Variants in SPIDR observed in about 807,000 individuals in gnomAD.
SPIDR encodes the protein DNA repair-scaffolding protein.
Under a neutral mutation model 104.6 loss-of-function variants are expected in SPIDR, and 93 were observed. The ratio of observed to expected loss-of-function variants is 0.89; its 90% CI spans 0.75 to 1.06. The LOEUF (loss-of-function observed/expected upper bound fraction) is 1.06, where lower values mean the gene tolerates loss of function less well. SPIDR is among the 50% of genes least tolerant of loss of function. The pLI is 0.00. For synonymous variants in SPIDR, 431 were observed against 416.9 expected (o/e 1.03, Z -0.41); for missense variants, 1,154 against 1,111.2 (o/e 1.04, Z -0.55).
intron 5 of SPIDR, among the ~76,000 whole-genome samples, chr8:47,374,665 GT>G (rs1447934302): frequency 1.3e-5 from 2 of 152,100 alleles, no homozygotes; most frequent in Non-Finnish European, 2.9e-5. Flanking sequence ...TTTTAGCTAA[GT>G]TTTAATCTTC....
chr8:47,362,445 T>G (rs1172603792), intron 5 of SPIDR, among the ~76,000 whole-genome samples: 1 of 152,176 alleles, frequency 6.6e-6, no homozygotes, highest in Non-Finnish European at 1.5e-5. Context: ...CAGTGTCATC[T>G]CCAGCATTTC....
intron 5 of SPIDR, among the ~76,000 whole-genome samples, chr8:47,334,479 T>C (rs2049329232): frequency 6.6e-6 from 1 of 152,214 alleles, no homozygotes; most frequent in Non-Finnish European, 1.5e-5. Context: ...TTGTGTCTTC[T>C]TGGACAATTG....
intron 5 of SPIDR, among the ~76,000 whole-genome samples, chr8:47,350,988 CCT>C (rs1429762788): frequency 6.6e-6 from 1 of 152,142 alleles, no homozygotes; most frequent in Non-Finnish European, 1.5e-5. Flanking sequence ...ACATGAATCC[CCT>C]GTTTTGTCCC....
At chr8:47,519,026 C>G (rs943430929) in intron 8 of SPIDR, among the ~76,000 whole-genome samples, 1 of 152,102 alleles carries the variant, frequency 6.6e-6, no homozygotes, top group Non-Finnish European at 1.5e-5. Context: ...CTCTAAGATT[C>G]CTGTAAAGAA....
intron 8 of SPIDR, among the ~76,000 whole-genome samples, chr8:47,590,990 G>A (rs1256928238): frequency 6.6e-6 from 1 of 151,932 alleles, no homozygotes; most frequent in African/African-American, 2.4e-5. Flanking sequence ...ATGTTTACAT[G>A]ATGTATCTTT....
chr8:47,553,061 C>G (rs562413377), intron 8 of SPIDR, among the ~76,000 whole-genome samples: 1 of 152,286 alleles, frequency 6.6e-6, no homozygotes, highest in African/African-American at 2.4e-5. Context: ...GTTGAAAATT[C>G]TTTTCTTTAA....
At chr8:47,680,682 C>A (rs1224516123) in intron 11 of SPIDR, among the ~76,000 whole-genome samples, 1 of 152,228 alleles carries the variant, frequency 6.6e-6, no homozygotes, top group Non-Finnish European at 1.5e-5. Context: ...TCCAGAATCT[C>A]TTTCTTAATT....
intron 8 of SPIDR, among the ~76,000 whole-genome samples, chr8:47,569,955 T>A (rs764831772): frequency 2.0e-5 from 3 of 152,112 alleles, no homozygotes; most frequent in Non-Finnish European, 4.4e-5. Flanking sequence ...CTCTGAAAAC[T>A]ACAAAACAAT....
At chr8:47,728,867 C>T in intron 17 of SPIDR, 66 bp from the exon 18 acceptor site, 1 of 1,529,860 alleles carries the variant, frequency 6.5e-7, no homozygotes, top group Non-Finnish European at 8.8e-7. Context: ...GAAAATGTCT[C>T]CCACTGGAGC....
At chr8:47,345,564 T>C (rs1282720356) in intron 5 of SPIDR, among the ~76,000 whole-genome samples, 7 of 152,220 alleles carry the variant, frequency 4.6e-5, no homozygotes, top group Non-Finnish European at 1.0e-4. Flanking sequence ...ATTATGGCCA[T>C]TTTTACGATA....
intron 7 of SPIDR, among the ~76,000 whole-genome samples, chr8:47,418,942 C>G (rs1291099075): frequency 6.6e-6 from 1 of 152,192 alleles, no homozygotes; most frequent in Admixed American, 6.5e-5. Context: ...ATATGTTGAA[C>G]CAGCCTTGCA....
At chr8:47,499,887 G>A (rs537705514) in intron 8 of SPIDR, among the ~76,000 whole-genome samples, 1 of 151,964 alleles carries the variant, frequency 6.6e-6, no homozygotes, top group South Asian at 2.1e-4. Context: ...GTGAGAACAT[G>A]CAGTGTTTGG....
intron 8 of SPIDR, among the ~76,000 whole-genome samples, chr8:47,457,700 T>G (rs1053246153): frequency 1.6e-4 from 24 of 152,190 alleles, no homozygotes; most frequent in African/African-American, 5.6e-4. Context: ...CGATGTTATC[T>G]TCTGGAAATT....
intron 8 of SPIDR, among the ~76,000 whole-genome samples, chr8:47,481,402 C>T (rs553199476): frequency 6.6e-6 from 1 of 152,166 alleles, no homozygotes; most frequent in African/African-American, 2.4e-5. Flanking sequence ...ATTGGGAGGC[C>T]GAGGTGGGCA....
chr8:47,588,660 A>G (rs973869643), intron 8 of SPIDR, among the ~76,000 whole-genome samples: 2 of 152,230 alleles, frequency 1.3e-5, no homozygotes, highest in African/African-American at 4.8e-5. Context: ...CTTAGGTGGC[A>G]AGCATCTACT....
chr8:47,488,620 G>A (rs999735392), intron 8 of SPIDR, among the ~76,000 whole-genome samples: 21 of 152,130 alleles, frequency 1.4e-4, no homozygotes, highest in African/African-American at 4.8e-4. Context: ...CTGGCAAACC[G>A]AATGCAGCAG....
At chr8:47,276,668 A>G (rs1586194412) in intron 1 of SPIDR, among the ~76,000 whole-genome samples, 1 of 152,250 alleles carries the variant, frequency 6.6e-6, no homozygotes, top group Non-Finnish European at 1.5e-5. Context: ...ATTCAAATGG[A>G]TAACTCTATA....
chr8:47,444,043 A>G (rs1262933662), intron 8 of SPIDR, among the ~76,000 whole-genome samples: 1 of 152,230 alleles, frequency 6.6e-6, no homozygotes, highest in Non-Finnish European at 1.5e-5. Flanking sequence ...AAAATGCATT[A>G]ATCTATATAA....
intron 2 of SPIDR, among the ~76,000 whole-genome samples, chr8:47,280,745 C>T (rs374453017): frequency 5.3e-5 from 8 of 152,230 alleles, no homozygotes; most frequent in African/African-American, 1.9e-4. Flanking sequence ...GCTGTGTTGC[C>T]TAGGCTGGTC....
Sources: allele counts gnomAD v4.1 joint callset (sites outside exome capture counted in the v4.1 genomes callset), GRCh38; gene constraint gnomAD v4.1.1; transcripts MANE v1.5; gene names NCBI Gene and HGNC (gene_info 2026-07-23, HGNC 2026-07-21).